GK5: variants seen among roughly 807,000 people sequenced by gnomAD.
GK5 encodes glycerol kinase 5.
Under a neutral mutation model 77.3 loss-of-function variants are expected in GK5, and 39 were observed. That is an observed-to-expected ratio of 0.50 (90% CI 0.39 to 0.66). The LOEUF (loss-of-function observed/expected upper bound fraction) is 0.66. Ranked by LOEUF, GK5 falls within the 30% of genes least tolerant of loss-of-function variation. The pLI is 0.00. For synonymous variants in GK5, 211 were observed against 208.0 expected (o/e 1.01, Z -0.13); for missense variants, 487 against 633.8 (o/e 0.77, Z 2.49).
chr3:142,185,971 C>T lies in GK5; in HGVS notation c.774G>A (p.Val258=). The change falls in exon 9 of 16, where the codon GTG becomes GTA. Residue 258 remains valine (V), a synonymous_variant. Coordinates refer to ENST00000392993, the MANE Select transcript of GK5 (RefSeq NM_001039547.3). ...VRDTSHNFGS[V]DEEIFGVPIP... ...TAGGCACACCAAATATCTCTTCATC[C>T]ACTGATCCAAAATTGTGGCTTCAAA... 1.2e-6 allele frequency: 2 copies of T among 1,608,796 alleles called. No individual in the cohort carries two copies. The highest frequency in any genetic ancestry group is 3.4e-5 in the Admixed American group (2 of 59,452).
At chr3:142,210,118 G>C (rs1447557899) in intron 3 of GK5, among the ~76,000 whole-genome samples, 1 of 152,150 alleles carries the variant, frequency 6.6e-6, no homozygotes, top group Admixed American at 6.5e-5. Flanking sequence ...AAGTTCGTAA[G>C]TTTCCTGGTC....
In GK5 at chr3:142,161,781, G is replaced by C. The variant is rs2063427403; in HGVS notation, c.*3841C>G. 6.6e-6 allele frequency: 1 copy of C among 152,118 alleles called. No homozygotes were observed. The highest frequency in any genetic ancestry group is 2.1e-4 in the South Asian group (1 of 4,830). 9.4% of individuals were successfully genotyped at this position (152,118 alleles called of 1,614,324 possible). The stretch of plus-strand genomic sequence containing the variant: ...ATGAAAACATCAGAAGACAATTACA[G>C]CATGAGATATTGATTGATTGATTGA... On this transcript the variant is annotated 3_prime_UTR_variant, in exon 16 of 16. Transcript: ENST00000392993.
In GK5 at chr3:142,157,930, T is replaced by C. The variant is rs1172283267; in HGVS notation, c.*7692A>G. On this transcript the variant is annotated 3_prime_UTR_variant, in exon 16 of 16. Transcript: ENST00000392993. ...TTAACAAGTGCTATTTCTCTGGTTG[T>C]TTTTTGTTGTTGTTGTTGTTGTTTT... The C allele has an allele frequency of 6.6e-6, 1 of 151,394 alleles. No individual in the cohort carries two copies. The highest frequency in any genetic ancestry group is 1.5e-5 in the Non-Finnish European group (1 of 68,036). The allele number at this position is 151,394 out of a possible 1,614,324, so 9.4% of individuals were successfully genotyped here. A position where few individuals can be genotyped will look rare whatever the true frequency, so the allele number is the denominator to read the frequency against.
chr3:142,194,211 C>T (rs1292234941), intron 5 of GK5, among the ~76,000 whole-genome samples: 2 of 151,968 alleles, frequency 1.3e-5, no homozygotes, highest in African/African-American at 2.4e-5. Context: ...ATAGTGAGAC[C>T]TTGTTTCTAC....
intron 1 of GK5, among the ~76,000 whole-genome samples, chr3:142,221,693 A>G (rs898971269): frequency 2.6e-5 from 4 of 152,220 alleles, no homozygotes; most frequent in African/African-American, 9.6e-5. Flanking sequence ...ACTGGGGAAC[A>G]TGATAAATAT....
chr3:142,220,094 T>G (rs556323498), intron 1 of GK5, among the ~76,000 whole-genome samples: 2 of 152,360 alleles, frequency 1.3e-5, no homozygotes, highest in East Asian at 3.9e-4. Flanking sequence ...AAGGTTTAAA[T>G]GCACAAGGAC....
rs1214184264 is a variant in GK5, at chr3:142,158,440, T to C, written c.*7182A>G. 3 of 152,532 alleles carry C rather than the reference T, an allele frequency of 2.0e-5. No individual in the cohort carries two copies. The highest frequency in any genetic ancestry group is 4.4e-5 in the Non-Finnish European group (3 of 68,026). The allele number at this position is 152,532 out of a possible 1,614,324, so 9.4% of individuals were successfully genotyped here. On this transcript the variant is annotated 3_prime_UTR_variant, in exon 16 of 16. Coordinates refer to ENST00000392993, the MANE Select transcript of GK5 (RefSeq NM_001039547.3). ...GTAATAGTATTTAATAAGAATGTCCTGGTAATTTTTTTTAAATCTAAAAGT... is the reference window on the plus strand; with the variant it reads ...GTAATAGTATTTAATAAGAATGTCCCGGTAATTTTTTTTAAATCTAAAAGT...
In GK5 at chr3:142,225,359, A is replaced by G; in HGVS notation, c.97T>C (p.Cys33Arg). ...CGCGCCGCCCGGTCATAGACGTGGC[A>G]GCGGATCACAGAACTGCCCACATCC... ...GLDVGSSVIR[C>R]HVYDRAARVC... Residue 33 changes from cysteine to arginine, a missense_variant, in exon 1 of 16, where the codon TGC becomes CGC. Physicochemically the swap from Cys to Arg is radical, Grantham distance 180. Transcript: ENST00000392993. The G allele has an allele frequency of 6.3e-7, 1 of 1,578,958 alleles. No homozygotes were observed. The highest frequency in any genetic ancestry group is 8.6e-7 in the Non-Finnish European group (1 of 1,163,836).
intron 5 of GK5, among the ~76,000 whole-genome samples, chr3:142,193,557 A>G (rs2063885955): frequency 6.6e-6 from 1 of 152,112 alleles, no homozygotes; most frequent in South Asian, 2.1e-4. Context: ...AATTCGAAGA[A>G]TACTATAATC....
At chr3:142,185,719 A>T in intron 9 of GK5, 6 of 1,512,676 alleles carry the variant, frequency 4.0e-6, no homozygotes, top group Non-Finnish European at 5.3e-6. Context: ...AAGTACTTCC[A>T]TGATAGAATA....
chr3:142,178,915 T>C (rs930614695), intron 11 of GK5, among the ~76,000 whole-genome samples: 1 of 152,222 alleles, frequency 6.6e-6, no homozygotes, highest in Non-Finnish European at 1.5e-5. Context: ...TCGTCACCTA[T>C]CTTCCTGCCA....
intron 3 of GK5, 31 bp from the exon 4 acceptor site, chr3:142,204,819 C>T: frequency 1.7e-6 from 2 of 1,179,076 alleles, no homozygotes; most frequent in Non-Finnish European, 2.5e-6. Context: ...TTTTGAGACC[C>T]AGCATAAATC....
chr3:142,179,010 ATAAAGT>A (rs1370353259), intron 11 of GK5, among the ~76,000 whole-genome samples: 3 of 152,206 alleles, frequency 2.0e-5, no homozygotes, highest in Admixed American at 2.0e-4. Flanking sequence ...CTGCTGACTA[ATAAAGT>A]TAAATACCTT....
rs2063716260 is a variant in GK5 at position 142,182,904 on chromosome 3, A to G, written c.943+19T>C. ...AAGTGATATTTTATTAATAAATAGG[A>G]TAAATCCTAACTACTTACCTCCAGT... On this transcript the variant is annotated intron_variant, in intron 10 of 15. Coordinates refer to ENST00000392993, the MANE Select transcript of GK5 (RefSeq NM_001039547.3). The G allele has an allele frequency of 1.3e-6, 2 of 1,573,306 alleles. No homozygotes were observed. The highest frequency in any genetic ancestry group is 3.4e-5 in the Admixed American group (2 of 59,508).
At position 142,163,448 on chromosome 3, in the gene GK5, T is replaced by A. The variant is rs2063441322; in HGVS notation, c.*2174A>T. 1 of 152,052 alleles carries A rather than the reference T, an allele frequency of 6.6e-6. No individual in the cohort carries two copies. The highest frequency in any genetic ancestry group is 2.4e-5 in the African/African-American group (1 of 41,388). 9.4% of individuals were successfully genotyped at this position (152,052 alleles called of 1,614,324 possible). A position where few individuals can be genotyped will look rare whatever the true frequency, so the allele number is the denominator to read the frequency against. ...CACCACCACATCCAGCTAATTTTTG[T>A]ATTTTTAGTGGAGACAGGGTTTCAC... is the stretch of plus-strand genomic sequence containing the variant. On this transcript the variant is annotated 3_prime_UTR_variant, in exon 16 of 16. Transcript: ENST00000392993.
At chr3:142,178,502 T>C (rs919934131) in intron 11 of GK5, among the ~76,000 whole-genome samples, 1 of 152,240 alleles carries the variant, frequency 6.6e-6, no homozygotes, top group Admixed American at 6.5e-5. Context: ...ACAGTGTGAA[T>C]ACATCCAAGT....
chr3:142,172,993 A>T, intron 12 of GK5: 2 of 221,532 alleles, frequency 9.0e-6, no homozygotes, highest in South Asian at 1.2e-4. Flanking sequence ...GCTTCAGCCC[A>T]GGAATTCAAC....
chr3:142,157,681 GTTA>G lies in GK5; in HGVS notation c.*7938_*7940del. On this transcript the variant is annotated 3_prime_UTR_variant, in exon 16 of 16. Coordinates refer to ENST00000392993, the MANE Select transcript of GK5 (RefSeq NM_001039547.3). ...AGTATATGAAATTATCTTTTCTCCA[GTTA>G]TTTATAATCTTTCTAAATATTTTAA... The G allele has an allele frequency of 6.6e-6, 1 of 152,100 alleles. No homozygotes were observed. The highest frequency in any genetic ancestry group is 3.4e-3 in the Middle Eastern group (1 of 294). 9.4% of individuals were successfully genotyped at this position (152,100 alleles called of 1,614,324 possible).
Position 142,161,470 on chromosome 3 carries a change from G to A in GK5, c.*4152C>T, listed in dbSNP as rs972271573. On this transcript the variant is annotated 3_prime_UTR_variant, in exon 16 of 16. Coordinates refer to ENST00000392993, the MANE Select transcript of GK5 (RefSeq NM_001039547.3). ...AAATGTATGTAATATCAAGGATAAC[G>A]TGTACAAACAAAGTTGCACTAACAA... The A allele has an allele frequency of 1.3e-5, 2 of 152,134 alleles. No individual in the cohort carries two copies. The highest frequency in any genetic ancestry group is 1.9e-4 in the East Asian group (1 of 5,200). 9.4% of individuals were successfully genotyped at this position (152,134 alleles called of 1,614,324 possible). A position where few individuals can be genotyped will look rare whatever the true frequency, so the allele number is the denominator to read the frequency against.
Sources: gnomAD v4.1 joint callset for allele counts (sites outside exome capture counted in the v4.1 genomes callset) on GRCh38, gnomAD v4.1.1 for gene constraint, MANE v1.5 for transcripts, NCBI Gene and HGNC (gene_info 2026-07-23, HGNC 2026-07-21) for gene names.